The following SLC4A10 variants were observed in gnomAD, a reference collection of about 807,000 sequenced individuals.
SLC4A10 encodes sodium-driven chloride bicarbonate exchanger.
A neutral mutation model predicts 137.7 loss-of-function variants in SLC4A10; 42 were observed. The observed-to-expected ratio is 0.30, with a 90% CI of 0.24 to 0.39. SLC4A10 has a LOEUF of 0.39. SLC4A10 is among the 10% of genes least tolerant of loss of function. SLC4A10 has a pLI of 1.00. For synonymous variants in SLC4A10, 474 were observed against 464.1 expected, an observed-to-expected ratio of 1.02 and a Z score of -0.27; for missense variants, 925 against 1,355.0, an observed-to-expected ratio of 0.68 and a Z score of 4.98.
intron 1 of SLC4A10, among the ~76,000 whole-genome samples, chr2:161,734,941 G>A (rs916557575): frequency 6.6e-6 from 1 of 151,830 alleles, no homozygotes; most frequent in African/African-American, 2.4e-5. Context: ...GAGGTCTGAT[G>A]GTTTTAAAGT....
intron 1 of SLC4A10, among the ~76,000 whole-genome samples, chr2:161,687,030 C>A (rs192266675): frequency 8.7e-4 from 133 of 152,050 alleles, no homozygotes; most frequent in African/African-American, 2.9e-3. Context: ...TATAGGCACA[C>A]GCCACCATGC....
intron 26 of SLC4A10, among the ~76,000 whole-genome samples, chr2:161,979,629 A>T (rs1242784610): frequency 6.6e-6 from 1 of 152,228 alleles, no homozygotes; most frequent in Non-Finnish European, 1.5e-5. Context: ...ACTGATACTA[A>T]TAAGGCTCCC....
chr2:161,914,991 C>A (rs898744072), intron 15 of SLC4A10, among the ~76,000 whole-genome samples: 1 of 152,120 alleles, frequency 6.6e-6, no homozygotes, highest in Admixed American at 6.6e-5. Flanking sequence ...CTGTTCTCTT[C>A]CGATTGGTTC....
At chr2:161,876,854 G>A (rs1244415940) in intron 8 of SLC4A10, among the ~76,000 whole-genome samples, 2 of 151,836 alleles carry the variant, frequency 1.3e-5, no homozygotes, top group Admixed American at 6.6e-5. Context: ...ACTTCCCAAA[G>A]TATATGATTA....
chr2:161,636,091 G>A (rs1410621628), intron 1 of SLC4A10, among the ~76,000 whole-genome samples: 1 of 151,968 alleles, frequency 6.6e-6, no homozygotes, highest in Non-Finnish European at 1.5e-5. Context: ...TATCTTTCTA[G>A]GTGCTTCTAG....
At chr2:161,854,343 C>T (rs2059985325) in intron 4 of SLC4A10, among the ~76,000 whole-genome samples, 1 of 152,168 alleles carries the variant, frequency 6.6e-6, no homozygotes, top group Non-Finnish European at 1.5e-5. Context: ...CCCCATTTGA[C>T]ATCATGACAT....
chr2:161,691,726 G>A (rs1037470583), intron 1 of SLC4A10, among the ~76,000 whole-genome samples: 1 of 152,086 alleles, frequency 6.6e-6, no homozygotes, highest in African/African-American at 2.4e-5. Context: ...CAGGAGGGCA[G>A]AATCTCATAG....
intron 1 of SLC4A10, among the ~76,000 whole-genome samples, chr2:161,697,204 T>C (rs149690206): frequency 0.019 from 2,871 of 152,260 alleles, 93 homozygotes; most frequent in African/African-American, 0.066. Flanking sequence ...TTCTGGATAT[T>C]AGCCTTTTGT....
intron 3 of SLC4A10, among the ~76,000 whole-genome samples, chr2:161,811,368 C>G (rs2056534999): frequency 6.6e-6 from 1 of 151,822 alleles, no homozygotes; most frequent in Non-Finnish European, 1.5e-5. Context: ...TTCAGTTGTT[C>G]TCTGATTTTA....
At chr2:161,832,203 G>A (rs1191139067) in intron 3 of SLC4A10, among the ~76,000 whole-genome samples, 1 of 152,172 alleles carries the variant, frequency 6.6e-6, no homozygotes, top group Non-Finnish European at 1.5e-5. Context: ...TTCTGTGGGA[G>A]TTGGGGCTCA....
chr2:161,871,943 T>C (rs1235934790), intron 6 of SLC4A10, among the ~76,000 whole-genome samples: 1 of 152,180 alleles, frequency 6.6e-6, no homozygotes, highest in African/African-American at 2.4e-5. Context: ...CAGATGTCTA[T>C]CTTGTCTTTT....
intron 17 of SLC4A10, 44 bp downstream of exon 17, chr2:161,947,771 C>T: frequency 6.4e-7 from 1 of 1,573,572 alleles, no homozygotes; most frequent in Non-Finnish European, 8.6e-7. Flanking sequence ...TAACATAGGA[C>T]AAAAGAAAGA....
At position 161,957,174 on chromosome 2, in the gene SLC4A10, A is replaced by G. The variant is rs1348352068; in HGVS notation, c.2727A>G (p.Gln909=). The part of the protein sequence containing the change: ...EQPKFLGIRE[Q]RVTGLMIFIL... The stretch of plus-strand genomic sequence containing the variant: ...CCAAATTTCTCGGCATTCGGGAGCA[A>G]AGGGTTACTGGGCTTATGATTTTTA... Residue 909 remains glutamine (Q), a synonymous_variant, in exon 20 of 27, where the codon CAA becomes CAG. Transcript: ENST00000446997. 1.2e-6 allele frequency: 2 copies of G among 1,613,794 alleles called. No individual in the cohort carries two copies. Among genetic ancestry groups the G allele is most frequent in the Non-Finnish European group, 1.7e-6 (2 of 1,179,824 alleles).
At chr2:161,643,204 A>G (rs918701589) in intron 1 of SLC4A10, among the ~76,000 whole-genome samples, 5 of 152,078 alleles carry the variant, frequency 3.3e-5, no homozygotes, top group Admixed American at 2.6e-4. Context: ...TTACATTTCC[A>G]CTGAATTTAA....
chr2:161,976,480 A>G (rs1190943090), intron 24 of SLC4A10, among the ~76,000 whole-genome samples: 1 of 152,220 alleles, frequency 6.6e-6, no homozygotes, highest in Non-Finnish European at 1.5e-5. Context: ...GTTGTGGTTT[A>G]GTGGGTATGG....
chr2:161,827,794 T>A (rs1281401610), intron 3 of SLC4A10, among the ~76,000 whole-genome samples: 1 of 152,190 alleles, frequency 6.6e-6, no homozygotes, highest in Non-Finnish European at 1.5e-5. Flanking sequence ...CTCGATCTCC[T>A]GACCTCGTGA....
intron 6 of SLC4A10, among the ~76,000 whole-genome samples, chr2:161,871,542 C>G (rs2061125434): frequency 6.6e-6 from 1 of 151,982 alleles, no homozygotes. Flanking sequence ...ACTCCCAGAG[C>G]TACTATCCAC....
chr2:161,773,514 C>T lies in SLC4A10; in HGVS notation c.130+2460C>T, dbSNP rs559586466. Among the ~76,000 whole-genome samples the T allele has an allele frequency of 2.9e-4, 44 of 151,730 alleles. No homozygotes were observed. The South Asian group carries it at 6.4e-3, about 22-fold the overall frequency. ...GTTGGGAATTGCTATTACAGATAAACGCGTTTAAAAAAATAAACTCTTAAA... is the reference window on the plus strand; with the variant it reads ...GTTGGGAATTGCTATTACAGATAAATGCGTTTAAAAAAATAAACTCTTAAA... On this transcript the variant is annotated intron_variant, in intron 2 of 26. Coordinates refer to ENST00000446997, the MANE Select transcript of SLC4A10 (RefSeq NM_001178015.2).
intron 21 of SLC4A10, among the ~76,000 whole-genome samples, chr2:161,963,374 A>G (rs891579382): frequency 2.0e-5 from 3 of 152,190 alleles, no homozygotes; most frequent in African/African-American, 7.2e-5. Context: ...AATAATTTTA[A>G]TAAAATACAA....
Sources: allele counts gnomAD v4.1 joint callset (sites outside exome capture counted in the v4.1 genomes callset), GRCh38; gene constraint gnomAD v4.1.1; transcripts MANE v1.5; gene names NCBI Gene and HGNC (gene_info 2026-07-23, HGNC 2026-07-21).